Variants in ARL10 observed in about 807,000 individuals in gnomAD.
ARL10 encodes ADP-ribosylation factor-like protein 10.
A neutral mutation model predicts 26.1 loss-of-function variants in ARL10; 23 were observed. The ratio of observed to expected loss-of-function variants is 0.88; its 90% CI spans 0.63 to 1.25. The LOEUF is 1.25. Among genes scored for constraint, ARL10 ranks in the 50% most tolerant of loss-of-function variants. The pLI is 0.00. For missense variants in ARL10, 300 were observed against 323.6 expected, an observed-to-expected ratio of 0.93 and a Z score of 0.56; for synonymous variants, 138 against 149.1, an observed-to-expected ratio of 0.93 and a Z score of 0.54.
rs1040994147 is a variant in ARL10, at chr5:176,380,239, A to G, written c.*8344A>G. On this transcript the variant is annotated 3_prime_UTR_variant, in exon 4 of 4. Coordinates refer to ENST00000310389, the MANE Select transcript of ARL10 (RefSeq NM_173664.6). ...CATGAGCCTTTCATTTGCGTTTTGTAAAGAATCTTTTAGGCAATTTTAGAT... is the reference window on the plus strand; with the variant it reads ...CATGAGCCTTTCATTTGCGTTTTGTGAAGAATCTTTTAGGCAATTTTAGAT... The G allele has an allele frequency of 2.0e-5, 3 of 152,224 alleles. No individual in the cohort carries two copies. Among genetic ancestry groups the G allele is most frequent in the Non-Finnish European group, 2.9e-5 (2 of 68,046 alleles). 9.4% of individuals were successfully genotyped at this position (152,224 alleles called of 1,614,324 possible).
chr5:176,411,759 T>G, the ARL10 span, among the ~76,000 whole-genome samples: 1 of 152,176 alleles, frequency 6.6e-6, no homozygotes, highest in African/African-American at 2.4e-5. Flanking sequence ...CTCTACAATC[T>G]GGCCCTGCCC....
Position 176,376,270 on chromosome 5 carries a change from G to A in ARL10, c.*4375G>A, listed in dbSNP as rs1251392583. The A allele has an allele frequency of 6.7e-6, 1 of 149,134 alleles. No individual in the cohort carries two copies. The highest frequency in any genetic ancestry group is 2.5e-5 in the African/African-American group (1 of 40,322). The allele number at this position is 149,134 out of a possible 1,614,324, so 9.2% of individuals were successfully genotyped here. On this transcript the variant is annotated 3_prime_UTR_variant, in exon 4 of 4. Transcript: ENST00000310389. ...CCACCTACTAGGGAGGCTGAGGCAT[G>A]AGAATCACTTAAACTTGGGAGGCAG...
intron 1 of ARL10, among the ~76,000 whole-genome samples, chr5:176,387,451 C>G (rs576230809): frequency 1.6e-4 from 25 of 152,210 alleles, no homozygotes; most frequent in Admixed American, 1.6e-3. Flanking sequence ...ATGGGCTTCG[C>G]GAATGAATTT....
intron 1 of ARL10, chr5:176,397,987 C>T: frequency 1.9e-6 from 3 of 1,614,140 alleles, no homozygotes; most frequent in Non-Finnish European, 2.5e-6. Flanking sequence ...CTCTCAGGCT[C>T]CTGGGTCAGC....
Position 176,378,236 on chromosome 5 carries a change from C to T in ARL10, c.*6341C>T, listed in dbSNP as rs186166328. ...ATGGGTCATCATAAAGGTCATCAAT[C>T]TAGTGGCATTCATTCAATTTGCACA... On this transcript the variant is annotated 3_prime_UTR_variant, in exon 4 of 4. Transcript: ENST00000310389. 2.0e-5 allele frequency: 3 copies of T among 152,356 alleles called. No homozygotes were observed. The highest frequency in any genetic ancestry group is 6.5e-5 in the Admixed American group (1 of 15,302). The allele number at this position is 152,356 out of a possible 1,614,324, so 9.4% of individuals were successfully genotyped here. A position where few individuals can be genotyped will look rare whatever the true frequency, so the allele number is the denominator to read the frequency against.
intron 1 of ARL10, among the ~76,000 whole-genome samples, chr5:176,398,698 G>A (rs1336644841): frequency 1.3e-5 from 2 of 151,816 alleles, no homozygotes; most frequent in East Asian, 1.9e-4. Flanking sequence ...GGCAACAAGA[G>A]CAAAACCCCG....
chr5:176,412,099 C>A, the ARL10 span, among the ~76,000 whole-genome samples: 2 of 151,412 alleles, frequency 1.3e-5, no homozygotes, highest in African/African-American at 4.9e-5. Context: ...TGGTGTGAAC[C>A]CGGGAGGCGG....
At chr5:176,385,002 T>G, downstream of ARL10, 1 of 577,820 alleles carries the variant, frequency 1.7e-6, no homozygotes, top group Non-Finnish European at 3.1e-6. Flanking sequence ...GAGCAAAACA[T>G]TTATCTGTGA....
chr5:176,403,818 G>A (rs1326357229), downstream of ARL10, among the ~76,000 whole-genome samples: 1 of 152,110 alleles, frequency 6.6e-6, no homozygotes, highest in Non-Finnish European at 1.5e-5. Context: ...GGAGTACAGT[G>A]GCGTGATCTC....
intron 1 of ARL10, chr5:176,397,939 G>A (rs1756627944): frequency 6.2e-7 from 1 of 1,613,514 alleles, no homozygotes; most frequent in Non-Finnish European, 8.5e-7. Context: ...CCCAGCTCTT[G>A]CAGCCGTTTC....
At chr5:176,413,539 G>T in the ARL10 span, among the ~76,000 whole-genome samples, 10 of 152,210 alleles carry the variant, frequency 6.6e-5, no homozygotes, top group South Asian at 1.0e-3. Flanking sequence ...TTCCCCAGGG[G>T]CAACTGAGCC....
chr5:176,374,238 T>C lies in ARL10; in HGVS notation c.*2343T>C, dbSNP rs989256729. The C allele has an allele frequency of 6.6e-6, 1 of 152,212 alleles. No individual in the cohort carries two copies. Among genetic ancestry groups the C allele is most frequent in the Admixed American group, 6.5e-5 (1 of 15,278 alleles). The allele number at this position is 152,212 out of a possible 1,614,324, so 9.4% of individuals were successfully genotyped here. A position where few individuals can be genotyped will look rare whatever the true frequency, so the allele number is the denominator to read the frequency against. ...AGAGGCAGCTTTAGGCCAGACTTAATTCAGCTTCACAGTGTCCCTCATTTT... is the reference window on the plus strand; with the variant it reads ...AGAGGCAGCTTTAGGCCAGACTTAACTCAGCTTCACAGTGTCCCTCATTTT... On this transcript the variant is annotated 3_prime_UTR_variant, in exon 4 of 4. Transcript: ENST00000310389.
chr5:176,389,911 A>C (rs1208182343), downstream of ARL10: 3 of 163,026 alleles, frequency 1.8e-5, no homozygotes, highest in East Asian at 5.4e-4. Flanking sequence ...GGCCAGGCGC[A>C]GTGGCTCACA....
At position 176,376,407 on chromosome 5, in the gene ARL10, G is replaced by GT. The variant is rs1561776575; in HGVS notation, c.*4515dup. On this transcript the variant is annotated 3_prime_UTR_variant, in exon 4 of 4. Transcript: ENST00000310389. ...GTTAGCATTCCACTCTTCCTTTGGG[G>GT]TTTCAGGGTGACTTATTGGGAAAAT... 1 of 152,054 alleles carries GT rather than the reference G, an allele frequency of 6.6e-6. No individual in the cohort carries two copies. The highest frequency in any genetic ancestry group is 1.5e-5 in the Non-Finnish European group (1 of 68,028). The allele number at this position is 152,054 out of a possible 1,614,324, so 9.4% of individuals were successfully genotyped here.
chr5:176,386,909 C>T (rs1271852355), downstream of ARL10: 2 of 1,613,888 alleles, frequency 1.2e-6, no homozygotes, highest in Non-Finnish European at 1.7e-6. Flanking sequence ...ATGGCCTTCA[C>T]CTGCAGAGAA....
At chr5:176,385,184 G>A (rs1378514348), downstream of ARL10, 36 of 1,185,230 alleles carry the variant, frequency 3.0e-5, no homozygotes, top group Non-Finnish European at 3.7e-5. Flanking sequence ...GGTCCAGGGC[G>A]CCTTCCCAGC....
At position 176,372,224 on chromosome 5, in the gene ARL10, C is replaced by A. The variant is rs1257167586; in HGVS notation, c.*329C>A. 8.5e-6 allele frequency: 4 copies of A among 471,606 alleles called. No homozygotes were observed. Among genetic ancestry groups the A allele is most frequent in the African/African-American group, 6.1e-5 (3 of 49,524 alleles). The allele number at this position is 471,606 out of a possible 1,614,324, so 29.2% of individuals were successfully genotyped here. A position where few individuals can be genotyped will look rare whatever the true frequency, so the allele number is the denominator to read the frequency against. On this transcript the variant is annotated 3_prime_UTR_variant, in exon 4 of 4. Coordinates refer to ENST00000310389, the MANE Select transcript of ARL10 (RefSeq NM_173664.6). Reference sequence around the variant, plus strand: ...GTGGGCTCAATCCTCCACTACAGGTCCCGGTACCTGAGGAACCAGTGTAGG... The same window carrying A: ...GTGGGCTCAATCCTCCACTACAGGTACCGGTACCTGAGGAACCAGTGTAGG...
At chr5:176,391,389 A>T (rs1269567501), downstream of ARL10, among the ~76,000 whole-genome samples, 1 of 152,184 alleles carries the variant, frequency 6.6e-6, no homozygotes, top group Non-Finnish European at 1.5e-5. Flanking sequence ...CAAAGTGGAT[A>T]AATTGCTTGA....
At chr5:176,410,316 C>A in the ARL10 span, 1 of 1,613,070 alleles carries the variant, frequency 6.2e-7, no homozygotes, top group South Asian at 1.1e-5. Flanking sequence ...GGAAAGAGAA[C>A]AAGGAGATAG....
Sources: allele counts gnomAD v4.1 joint callset (sites outside exome capture counted in the v4.1 genomes callset), GRCh38; gene constraint gnomAD v4.1.1; transcripts MANE v1.5; gene names NCBI Gene and HGNC (gene_info 2026-07-23, HGNC 2026-07-21).